The following FAM229B variants were observed in gnomAD, a reference collection of about 807,000 sequenced individuals.
FAM229B encodes the protein family with sequence similarity 229 member B, also known as protein FAM229B.
A neutral mutation model predicts 6.7 loss-of-function variants in FAM229B; 2 were observed. The observed-to-expected ratio is 0.30, with a 90% confidence interval of 0.12 to 0.94. The LOEUF (loss-of-function observed/expected upper bound fraction) is 0.94. Ranked by LOEUF, FAM229B falls within the 40% of genes least tolerant of loss-of-function variation. The pLI is 0.54. For synonymous variants in FAM229B, 29 were observed against 34.0 expected (o/e 0.85, Z 0.51); for missense variants, 93 against 96.2 (o/e 0.97, Z 0.14).
rs1583609205 is a variant in FAM229B at position 112,101,274 on chromosome 6, G to T, written c.*487G>T. 1 of 152,580 alleles carries T rather than the reference G, an allele frequency of 6.6e-6. No homozygotes were observed. The highest frequency in any genetic ancestry group is 2.4e-5 in the African/African-American group (1 of 41,440). The allele number at this position is 152,580 out of a possible 1,614,324, so 9.5% of individuals were successfully genotyped here. On this transcript the variant is annotated 3_prime_UTR_variant, in exon 4 of 4. Transcript: ENST00000368656. ...ATTGGGTGAGAAATGGAGCCCTGGG[G>T]TTGTGTGTTTTGGAACAGTATTCAA...
At position 112,102,664 on chromosome 6, in the gene FAM229B, A is replaced by G. The variant is rs1777414060; in HGVS notation, c.*1877A>G. The G allele has an allele frequency of 6.6e-6, 1 of 152,132 alleles. No homozygotes were observed. The highest frequency in any genetic ancestry group is 1.9e-4 in the East Asian group (1 of 5,196). 9.4% of individuals were successfully genotyped at this position (152,132 alleles called of 1,614,324 possible). A position where few individuals can be genotyped will look rare whatever the true frequency, so the allele number is the denominator to read the frequency against. ...GGGAGATGGGAATAGACTGAAGACTACTCTGGACTTGCCCTAACAGAGTTT... is the reference window on the plus strand; with the variant it reads ...GGGAGATGGGAATAGACTGAAGACTGCTCTGGACTTGCCCTAACAGAGTTT... On this transcript the variant is annotated 3_prime_UTR_variant, in exon 4 of 4. Coordinates refer to ENST00000368656, the MANE Select transcript of FAM229B (RefSeq NM_001033564.3).
At chr6:112,099,177 C>A in intron 2 of FAM229B, 93 bp from the exon 3 acceptor site, 1 of 1,125,068 alleles carries the variant, frequency 8.9e-7, no homozygotes, top group Non-Finnish European at 1.3e-6. Flanking sequence ...CTCTTTAAAA[C>A]ATTCCATGCA....
chr6:112,099,220 T>A, intron 2 of FAM229B, 50 bp from the exon 3 acceptor site: 4 of 1,497,964 alleles, frequency 2.7e-6, no homozygotes, highest in Non-Finnish European at 3.7e-6. Flanking sequence ...CCACCCCCAA[T>A]ATTTTAATTT....
chr6:112,100,110 A>G (rs1434083936), intron 3 of FAM229B, among the ~76,000 whole-genome samples: 2 of 152,258 alleles, frequency 1.3e-5, no homozygotes, highest in Non-Finnish European at 2.9e-5. Context: ...CCCGATCTTT[A>G]GAAATGCTAA....
At position 112,101,854 on chromosome 6, in the gene FAM229B, G is replaced by A. The variant is rs1467325636; in HGVS notation, c.*1067G>A. 6.6e-6 allele frequency: 1 copy of A among 152,184 alleles called. No individual in the cohort carries two copies. The highest frequency in any genetic ancestry group is 1.5e-5 in the Non-Finnish European group (1 of 68,034). The allele number at this position is 152,184 out of a possible 1,614,324, so 9.4% of individuals were successfully genotyped here. The stretch of plus-strand genomic sequence containing the variant: ...AAGAAAAACTGCCAGGGAGTTATAA[G>A]AGGAAAAACTCTCAGAGCTCACACT... On this transcript the variant is annotated 3_prime_UTR_variant, in exon 4 of 4. Transcript: ENST00000368656.
At chr6:112,090,516 G>A (rs868938511) in intron 1 of FAM229B, among the ~76,000 whole-genome samples, 1 of 152,114 alleles carries the variant, frequency 6.6e-6, no homozygotes, top group Non-Finnish European at 1.5e-5. Flanking sequence ...CGGTACCTAA[G>A]TCTGGACCAA....
In FAM229B at chr6:112,101,101, G is replaced by A. The variant is rs1436007763; in HGVS notation, c.*314G>A. The A allele has an allele frequency of 4.4e-6, 1 of 225,530 alleles. No individual in the cohort carries two copies. The highest frequency in any genetic ancestry group is 2.3e-5 in the African/African-American group (1 of 43,488). 14.0% of individuals were successfully genotyped at this position (225,530 alleles called of 1,614,324 possible). A position where few individuals can be genotyped will look rare whatever the true frequency, so the allele number is the denominator to read the frequency against. ...AATCCACCATGGTCATCAGTCAGGT[G>A]GGGCTTATTCTAAATGCTTAATGTG... On this transcript the variant is annotated 3_prime_UTR_variant, in exon 4 of 4. Coordinates refer to ENST00000368656, the MANE Select transcript of FAM229B (RefSeq NM_001033564.3).
chr6:112,088,150 T>TA (rs1410449861), intron 1 of FAM229B, among the ~76,000 whole-genome samples: 2 of 152,182 alleles, frequency 1.3e-5, no homozygotes, highest in African/African-American at 4.8e-5. Context: ...GCGAAATACT[T>TA]AAAGAATTGT....
At chr6:112,098,581 C>T (rs1435999939) in intron 2 of FAM229B, among the ~76,000 whole-genome samples, 10 of 152,098 alleles carry the variant, frequency 6.6e-5, no homozygotes, top group Admixed American at 4.6e-4. Flanking sequence ...AGTACCTTGA[C>T]TGAAGATCAC....
intron 1 of FAM229B, among the ~76,000 whole-genome samples, chr6:112,089,298 A>T (rs1554317941): frequency 6.6e-6 from 1 of 151,996 alleles, no homozygotes; most frequent in Non-Finnish European, 1.5e-5. Flanking sequence ...TGGAAGGGAG[A>T]GAGGGAGGGA....
intron 1 of FAM229B, among the ~76,000 whole-genome samples, chr6:112,094,291 T>G (rs587625655): frequency 3.3e-5 from 5 of 152,208 alleles, no homozygotes; most frequent in Admixed American, 6.5e-5. Flanking sequence ...TTAAAATTAT[T>G]TGATAGGCTT....
chr6:112,095,392 G>T (rs775159067), intron 1 of FAM229B, among the ~76,000 whole-genome samples: 1 of 152,016 alleles, frequency 6.6e-6, no homozygotes, highest in African/African-American at 2.4e-5. Context: ...AGCACTTTGG[G>T]AGGGTGAGGT....
At position 112,100,827 on chromosome 6, in the gene FAM229B, G is replaced by A. The variant is rs782252871; in HGVS notation, c.*40G>A. ...TTGTCAAGGTCTGACTAGGTCAAGG[G>A]TAATGGACCAGTATCATCTGGTGAT... On this transcript the variant is annotated 3_prime_UTR_variant, in exon 4 of 4. Transcript: ENST00000368656. The A allele has an allele frequency of 1.4e-6, 2 of 1,416,934 alleles. No individual in the cohort carries two copies. The highest frequency in any genetic ancestry group is 2.0e-6 in the Non-Finnish European group (2 of 1,001,482). The allele number at this position is 1,416,934 out of a possible 1,614,324, so 87.8% of individuals were successfully genotyped here. A position where few individuals can be genotyped will look rare whatever the true frequency, so the allele number is the denominator to read the frequency against.
At position 112,099,312 on chromosome 6, in the gene FAM229B, G is replaced by A. The variant is rs55897192; in HGVS notation, c.29G>A (p.Arg10Lys). ...CCTTTTCAATTTGGAACCCAGCCAA[G>A]GAGGTTTCCAGTGGAAGGAGGAGAT... MPFQFGTQP[R>K]RFPVEGGDSS... Residue 10 changes from arginine (R) to lysine (K), a missense_variant, in exon 3 of 4, where the codon AGG (arginine) becomes AAG (lysine). By Grantham distance (26) the Arg-to-Lys change is conservative (BLOSUM62 2). Coordinates refer to ENST00000368656, the MANE Select transcript of FAM229B (RefSeq NM_001033564.3). 15,547 of 1,613,838 alleles carry A rather than the reference G, an allele frequency of 9.6e-3. 95 individuals are homozygous for A. Among genetic ancestry groups the A allele is most frequent in the Non-Finnish European group, 0.012 (13,850 of 1,179,808 alleles).
chr6:112,101,010 G>A lies in FAM229B; in HGVS notation c.*223G>A. On this transcript the variant is annotated 3_prime_UTR_variant, in exon 4 of 4. Coordinates refer to ENST00000368656, the MANE Select transcript of FAM229B (RefSeq NM_001033564.3). ...AAGACAGAATAATATTTCACAATTA[G>A]AAAGTACCTTAGAGATCATCTTGCT... 2.3e-6 allele frequency: 1 copy of A among 433,572 alleles called. No homozygotes were observed. The highest frequency in any genetic ancestry group is 4.1e-6 in the Non-Finnish European group (1 of 243,362). The allele number at this position is 433,572 out of a possible 1,614,324, so 26.9% of individuals were successfully genotyped here.
At chr6:112,089,005 G>A (rs1404890491) in intron 1 of FAM229B, among the ~76,000 whole-genome samples, 5 of 152,156 alleles carry the variant, frequency 3.3e-5, no homozygotes, top group Admixed American at 3.3e-4. Context: ...GCCAAGCAAG[G>A]TAGAGCCTCA....
intron 1 of FAM229B, among the ~76,000 whole-genome samples, chr6:112,088,179 G>T (rs1246733742): frequency 6.6e-6 from 1 of 152,156 alleles, no homozygotes; most frequent in Non-Finnish European, 1.5e-5. Context: ...GACTATAAGT[G>T]CAATAGGATT....
chr6:112,093,667 C>T (rs1376994181), intron 1 of FAM229B, among the ~76,000 whole-genome samples: 2 of 151,904 alleles, frequency 1.3e-5, no homozygotes, highest in East Asian at 1.9e-4. Flanking sequence ...CGAATATTCT[C>T]TGACAAAAAT....
At chr6:112,088,377 C>A (rs191108799) in intron 1 of FAM229B, among the ~76,000 whole-genome samples, 1 of 152,168 alleles carries the variant, frequency 6.6e-6, no homozygotes, top group East Asian at 1.9e-4. Context: ...TCAAATTAGA[C>A]CAGATTTTAA....
Sources: gnomAD v4.1 joint callset for allele counts (sites outside exome capture counted in the v4.1 genomes callset) on GRCh38, gnomAD v4.1.1 for gene constraint, MANE v1.5 for transcripts, NCBI Gene and HGNC (gene_info 2026-07-23, HGNC 2026-07-21) for gene names.